NKAIN2: variants seen among roughly 807,000 people sequenced by gnomAD.
NKAIN2 encodes the protein sodium/potassium transporting ATPase interacting 2, also known as sodium/potassium-transporting ATPase subunit beta-1-interacting protein 2.
NKAIN2 carries 14 observed loss-of-function variants against 32.6 expected under a neutral mutation model. The ratio of observed to expected loss-of-function variants is 0.43; its 90% CI spans 0.28 to 0.67. The LOEUF (loss-of-function observed/expected upper bound fraction) is 0.67. Ranked by LOEUF, NKAIN2 falls within the 30% of genes least tolerant of loss-of-function variation. The probability of loss-of-function intolerance (pLI) is 0.17; values close to 1 mark genes in which losing one functional copy is unlikely to be tolerated. For missense variants in NKAIN2, 198 were observed against 258.3 expected, an observed-to-expected ratio of 0.77 and a Z score of 1.60; for synonymous variants, 80 against 87.2, an observed-to-expected ratio of 0.92 and a Z score of 0.46.
At chr6:124,640,246 G>A (rs565893469) in intron 3 of NKAIN2, among the ~76,000 whole-genome samples, 49 of 152,242 alleles carry the variant, frequency 3.2e-4, no homozygotes, top group African/African-American at 1.1e-3. Context: ...TAATGGTGGG[G>A]AACTATTGAG....
intron 2 of NKAIN2, among the ~76,000 whole-genome samples, chr6:124,297,878 G>A (rs1796126371): frequency 6.6e-6 from 1 of 151,998 alleles, no homozygotes; most frequent in Non-Finnish European, 1.5e-5. Context: ...AGAATCTGAG[G>A]CTAAAAACCT....
At chr6:124,134,426 T>G (rs972968253) in intron 1 of NKAIN2, among the ~76,000 whole-genome samples, 16 of 152,084 alleles carry the variant, frequency 1.1e-4, no homozygotes, top group African/African-American at 3.6e-4. Context: ...TGGCTCATAC[T>G]TATAATTCCA....
chr6:124,418,256 C>T (rs11154237), intron 3 of NKAIN2, among the ~76,000 whole-genome samples: 11,853 of 151,728 alleles, frequency 0.078, 592 homozygotes, highest in Non-Finnish European at 0.12. Flanking sequence ...TTGTAACAAA[C>T]CAGTTTAAAG....
intron 1 of NKAIN2, among the ~76,000 whole-genome samples, chr6:124,133,752 T>A (rs1395672496): frequency 2.6e-5 from 4 of 152,018 alleles, no homozygotes; most frequent in Non-Finnish European, 5.9e-5. Flanking sequence ...CACAGAAGAC[T>A]CTATAACTAA....
chr6:124,172,865 T>G (rs188463952), intron 1 of NKAIN2, among the ~76,000 whole-genome samples: 57 of 152,284 alleles, frequency 3.7e-4, no homozygotes, highest in Non-Finnish European at 8.8e-5. Context: ...TAATATGTAG[T>G]GTGGGAATAG....
chr6:123,858,996 T>C (rs1037510368), intron 1 of NKAIN2, among the ~76,000 whole-genome samples: 2 of 152,218 alleles, frequency 1.3e-5, no homozygotes, highest in African/African-American at 4.8e-5. Context: ...TGTTTCATTA[T>C]ATATGTGCAT....
intron 1 of NKAIN2, among the ~76,000 whole-genome samples, chr6:123,871,572 T>C (rs1271890220): frequency 6.6e-6 from 1 of 152,160 alleles, no homozygotes; most frequent in Non-Finnish European, 1.5e-5. Context: ...GTTTTAATAG[T>C]GTACATATCC....
At chr6:124,191,069 A>G (rs1789996511) in intron 1 of NKAIN2, among the ~76,000 whole-genome samples, 1 of 152,178 alleles carries the variant, frequency 6.6e-6, no homozygotes, top group Non-Finnish European at 1.5e-5. Context: ...GCTGTTGTAC[A>G]TTCTATTGGC....
chr6:124,443,738 T>G (rs541916513), intron 3 of NKAIN2, among the ~76,000 whole-genome samples: 1 of 152,244 alleles, frequency 6.6e-6, no homozygotes, highest in Non-Finnish European at 1.5e-5. Flanking sequence ...AAACGTGTCA[T>G]AAATTTGTAA....
chr6:123,934,318 A>G (rs1184683873), intron 1 of NKAIN2, among the ~76,000 whole-genome samples: 1 of 152,120 alleles, frequency 6.6e-6, no homozygotes, highest in Non-Finnish European at 1.5e-5. Flanking sequence ...TGCTCATGCC[A>G]TTATCCTCAA....
intron 1 of NKAIN2, among the ~76,000 whole-genome samples, chr6:123,944,509 G>A (rs235673): frequency 0.01 from 1,582 of 152,104 alleles, 21 homozygotes; most frequent in African/African-American, 0.032. Flanking sequence ...TCATGTGCTC[G>A]TGTTTGGAAA....
chr6:124,391,696 C>A (rs946994970), intron 3 of NKAIN2, among the ~76,000 whole-genome samples: 8 of 152,120 alleles, frequency 5.3e-5, no homozygotes, highest in African/African-American at 1.9e-4. Context: ...TTCTCAGTTT[C>A]AACTCACTAT....
chr6:124,326,173 A>C (rs1293644030), intron 2 of NKAIN2, among the ~76,000 whole-genome samples: 1 of 143,836 alleles, frequency 7.0e-6, no homozygotes, highest in Non-Finnish European at 1.5e-5. Flanking sequence ...TAACCATCAA[A>C]TTTCTGAGCT....
At chr6:124,144,197 A>G (rs74546697) in intron 1 of NKAIN2, among the ~76,000 whole-genome samples, 2,691 of 152,292 alleles carry the variant, frequency 0.018, 66 homozygotes, top group African/African-American at 0.05. Flanking sequence ...ATATATGAAA[A>G]CAAATGGCCC....
intron 1 of NKAIN2, among the ~76,000 whole-genome samples, chr6:123,851,244 ATTTTTTT>A (rs59287833): frequency 2.3e-5 from 2 of 88,192 alleles, no homozygotes; most frequent in South Asian, 4.4e-4. Context: ...TGGTGGTTCT[ATTTTTTT>A]TTTTTTTTTT....
At chr6:124,283,359 C>A in intron 2 of NKAIN2, 2 of 351,354 alleles carry the variant, frequency 5.7e-6, no homozygotes, top group Non-Finnish European at 1.0e-5. Flanking sequence ...AGACTGAATT[C>A]TCATAATTTG....
At chr6:124,639,449 T>C (rs1338156761) in intron 3 of NKAIN2, among the ~76,000 whole-genome samples, 2 of 151,964 alleles carry the variant, frequency 1.3e-5, no homozygotes, top group Non-Finnish European at 2.9e-5. Flanking sequence ...GTCTGACCAA[T>C]ATGGTGAAAC....
intron 2 of NKAIN2, among the ~76,000 whole-genome samples, chr6:124,341,907 A>G (rs1798129907): frequency 6.6e-6 from 1 of 152,202 alleles, no homozygotes; most frequent in Admixed American, 6.5e-5. Context: ...AAGTTGCTTT[A>G]TTTGGGCCAC....
chr6:124,650,393 T>G (rs1784326229), intron 3 of NKAIN2, among the ~76,000 whole-genome samples: 1 of 152,168 alleles, frequency 6.6e-6, no homozygotes, highest in South Asian at 2.1e-4. Flanking sequence ...ACCATTTATA[T>G]TACCACACAC....
Sources: allele counts gnomAD v4.1 joint callset (sites outside exome capture counted in the v4.1 genomes callset), GRCh38; gene constraint gnomAD v4.1.1; transcripts MANE v1.5; gene names NCBI Gene and HGNC (gene_info 2026-07-23, HGNC 2026-07-21).